PALLD: variants seen among roughly 807,000 people sequenced by gnomAD.
PALLD encodes the protein palladin, cytoskeletal associated protein.
A neutral mutation model predicts 123.5 loss-of-function variants in PALLD; 61 were observed. The observed-to-expected ratio is 0.49, with a 90% CI of 0.40 to 0.61. The LOEUF is 0.61. Ranked by LOEUF, PALLD falls within the 20% of genes least tolerant of loss-of-function variation. The pLI is 0.00. For synonymous variants in PALLD, 465 were observed against 496.4 expected, an observed-to-expected ratio of 0.94 and a Z score of 0.84; for missense variants, 1,273 against 1,377.0, an observed-to-expected ratio of 0.92 and a Z score of 1.20.
intron 10 of PALLD, among the ~76,000 whole-genome samples, chr4:168,788,502 AT>A (rs1561524350): frequency 6.6e-6 from 1 of 152,160 alleles, no homozygotes; most frequent in Non-Finnish European, 1.5e-5. Flanking sequence ...AGCACAGAGG[AT>A]TTTTAGGGCA....
intron 2 of PALLD, among the ~76,000 whole-genome samples, chr4:168,572,905 A>C (rs1318787696): frequency 1.4e-5 from 2 of 148,020 alleles, no homozygotes; most frequent in Non-Finnish European, 3.0e-5. Flanking sequence ...CCAACAACCC[A>C]CCAGCACAGG....
chr4:168,622,579 G>T (rs1041691463), intron 2 of PALLD, among the ~76,000 whole-genome samples: 1 of 152,186 alleles, frequency 6.6e-6, no homozygotes, highest in Admixed American at 6.5e-5. Flanking sequence ...TCTTTAACAT[G>T]AGGGAATTTG....
intron 10 of PALLD, among the ~76,000 whole-genome samples, chr4:168,782,203 C>A (rs1407385574): frequency 1.3e-5 from 2 of 152,212 alleles, no homozygotes; most frequent in African/African-American, 4.8e-5. Context: ...TGAGGCGCAA[C>A]AGAACTTCAC....
intron 15 of PALLD, among the ~76,000 whole-genome samples, chr4:168,911,580 G>C (rs566341892): frequency 6.6e-6 from 1 of 152,264 alleles, no homozygotes; most frequent in African/African-American, 2.4e-5. Flanking sequence ...GCATCAGTTG[G>C]ATAGTTCATG....
intron 2 of PALLD, among the ~76,000 whole-genome samples, chr4:168,567,145 A>G (rs566573535): frequency 4.6e-4 from 70 of 152,304 alleles, no homozygotes; most frequent in African/African-American, 1.6e-3. Context: ...TTAAAAAATT[A>G]TTTTTATAAA....
chr4:168,701,152 C>A (rs970427526), intron 8 of PALLD, among the ~76,000 whole-genome samples: 2 of 152,186 alleles, frequency 1.3e-5, no homozygotes, highest in Non-Finnish European at 2.9e-5. Context: ...AAGGGATTCT[C>A]TGAGAAAGTA....
chr4:168,687,757 A>G (rs1782218620), intron 6 of PALLD, among the ~76,000 whole-genome samples: 1 of 152,146 alleles, frequency 6.6e-6, no homozygotes, highest in Non-Finnish European at 1.5e-5. Context: ...CGCAACATAG[A>G]CTTTCTATTA....
At chr4:168,874,735 G>A (rs1751515771) in intron 10 of PALLD, among the ~76,000 whole-genome samples, 1 of 152,066 alleles carries the variant, frequency 6.6e-6, no homozygotes, top group African/African-American at 2.4e-5. Context: ...ACAGACACAG[G>A]TTCTAACCTG....
intron 6 of PALLD, among the ~76,000 whole-genome samples, chr4:168,689,254 G>T (rs375373537): frequency 1.9e-4 from 29 of 152,102 alleles, no homozygotes; most frequent in African/African-American, 5.5e-4. Flanking sequence ...TACAGAATTG[G>T]TTTTTTCCAG....
chr4:168,838,079 A>G (rs1412890391), intron 10 of PALLD, among the ~76,000 whole-genome samples: 1 of 152,224 alleles, frequency 6.6e-6, no homozygotes, highest in Non-Finnish European at 1.5e-5. Context: ...TGTTTCTCGC[A>G]GCAACCCATT....
chr4:168,643,578 C>T (rs1777160227), intron 2 of PALLD, among the ~76,000 whole-genome samples: 1 of 152,134 alleles, frequency 6.6e-6, no homozygotes, highest in Admixed American at 6.5e-5. Context: ...ACTTTATCTG[C>T]TGAAAAAGCA....
intron 10 of PALLD, among the ~76,000 whole-genome samples, chr4:168,718,969 A>G (rs1032158906): frequency 6.8e-6 from 1 of 147,486 alleles, no homozygotes; most frequent in Non-Finnish European, 1.5e-5. Flanking sequence ...GTGCAGTGGC[A>G]TGACCTCAGT....
intron 2 of PALLD, among the ~76,000 whole-genome samples, chr4:168,628,783 G>A (rs1352529084): frequency 1.3e-5 from 2 of 152,078 alleles, no homozygotes; most frequent in African/African-American, 4.8e-5. Flanking sequence ...TTTGTTTTCT[G>A]CCTAATGTGC....
intron 2 of PALLD, among the ~76,000 whole-genome samples, chr4:168,652,281 G>A (rs776930317): frequency 3.9e-5 from 6 of 152,148 alleles, no homozygotes; most frequent in African/African-American, 4.8e-5. Flanking sequence ...TAAAAATGGA[G>A]GAAGGGGTGG....
chr4:168,599,781 A>G (rs1772359032), intron 2 of PALLD, among the ~76,000 whole-genome samples: 4 of 152,256 alleles, frequency 2.6e-5, no homozygotes, highest in Middle Eastern at 3.4e-3. Flanking sequence ...TGTCTATAGA[A>G]ATTTTTAAAA....
chr4:168,543,556 A>C (rs1489468500), intron 2 of PALLD, among the ~76,000 whole-genome samples: 2 of 147,796 alleles, frequency 1.4e-5, no homozygotes, highest in African/African-American at 5.0e-5. Context: ...GCAGGAGGGC[A>C]AAAAAAAAAA....
intron 10 of PALLD, among the ~76,000 whole-genome samples, chr4:168,811,772 TCTCTCACA>T (rs940331719): frequency 8.1e-5 from 8 of 98,288 alleles, no homozygotes; most frequent in Non-Finnish European, 1.4e-4. Flanking sequence ...TCTCTCTCTC[TCTCTCACA>T]CACACACACA....
intron 10 of PALLD, among the ~76,000 whole-genome samples, chr4:168,740,493 G>T (rs535775961): frequency 2.0e-5 from 3 of 151,992 alleles, no homozygotes; most frequent in East Asian, 1.9e-4. Context: ...TCATGCTGTG[G>T]TTTTTTTTCT....
intron 10 of PALLD, among the ~76,000 whole-genome samples, chr4:168,802,920 G>A (rs746995497): frequency 7.9e-5 from 12 of 152,094 alleles, no homozygotes; most frequent in African/African-American, 2.2e-4. Context: ...TCGAACCCCC[G>A]ACCTCAGGTG....
Sources: gnomAD v4.1 joint callset for allele counts (sites outside exome capture counted in the v4.1 genomes callset) on GRCh38, gnomAD v4.1.1 for gene constraint, MANE v1.5 for transcripts, NCBI Gene and HGNC (gene_info 2026-07-23, HGNC 2026-07-21) for gene names.